TBXAS1: variants seen among roughly 807,000 people sequenced by gnomAD.
TBXAS1 encodes thromboxane-A synthase.
A neutral mutation model predicts 60.7 loss-of-function variants in TBXAS1; 48 were observed. That is an observed-to-expected ratio of 0.79 (90% confidence interval 0.63 to 1.01). TBXAS1 has a LOEUF of 1.01. TBXAS1 is among the 50% of genes least tolerant of loss of function. The pLI is 0.00. For synonymous variants in TBXAS1, 287 were observed against 269.7 expected, an observed-to-expected ratio of 1.06 and a Z score of -0.63; for missense variants, 685 against 686.3, an observed-to-expected ratio of 1.00 and a Z score of 0.02.
At chr7:139,886,975 T>A (rs920305450) in intron 3 of TBXAS1, among the ~76,000 whole-genome samples, 1 of 152,200 alleles carries the variant, frequency 6.6e-6, no homozygotes, top group Non-Finnish European at 1.5e-5. Flanking sequence ...AAGGATGCTT[T>A]ATCTCCAATC....
chr7:139,864,376 G>A (rs1167864091), intron 1 of TBXAS1, among the ~76,000 whole-genome samples: 2 of 151,948 alleles, frequency 1.3e-5, no homozygotes, highest in Non-Finnish European at 2.9e-5. Context: ...AATCAACAGA[G>A]AGATACAACA....
upstream of TBXAS1, among the ~76,000 whole-genome samples, chr7:139,827,063 T>C (rs890297381): frequency 2.0e-5 from 3 of 152,058 alleles, no homozygotes; most frequent in Non-Finnish European, 4.4e-5. Flanking sequence ...CCCCAAAATA[T>C]ATTTCAAGTC....
At chr7:139,951,986 GAAAGAAAGAAAGAAAGAAAGAAAGAA>G (rs1809425987) in intron 5 of TBXAS1, among the ~76,000 whole-genome samples, 1 of 147,476 alleles carries the variant, frequency 6.8e-6, no homozygotes, top group Admixed American at 6.8e-5. Context: ...AAGAAAGAAA[GAAAGAAAGAAAGAAAGAAAGAAAGAA>G]AAAGAAAGGA....
chr7:139,957,534 C>T, intron 7 of TBXAS1, 100 bp from the exon 8 acceptor site: 1 of 1,562,596 alleles, frequency 6.4e-7, no homozygotes. Context: ...CAAAACGGCT[C>T]CGATTCCAGG....
At chr7:139,955,117 C>A (rs1010987029) in intron 6 of TBXAS1, among the ~76,000 whole-genome samples, 1 of 152,176 alleles carries the variant, frequency 6.6e-6, no homozygotes, top group Non-Finnish European at 1.5e-5. Flanking sequence ...AGGGAGGAAA[C>A]TATAAAGTGT....
chr7:139,869,523 G>T (rs1434604465), intron 1 of TBXAS1, among the ~76,000 whole-genome samples: 1 of 152,078 alleles, frequency 6.6e-6, no homozygotes, highest in Admixed American at 6.6e-5. Flanking sequence ...GATTTGCTAG[G>T]ATTACAGGCA....
chr7:139,888,785 G>A (rs1242063079), intron 3 of TBXAS1, among the ~76,000 whole-genome samples: 2 of 152,178 alleles, frequency 1.3e-5, no homozygotes, highest in Non-Finnish European at 2.9e-5. Flanking sequence ...AGGAAAATGT[G>A]ATGTTTGGGG....
intron 3 of TBXAS1, among the ~76,000 whole-genome samples, chr7:139,888,317 T>C (rs926104594): frequency 8.5e-5 from 13 of 152,208 alleles, no homozygotes; most frequent in African/African-American, 3.1e-4. Flanking sequence ...CTGTGGCCTT[T>C]GTGTCTCACA....
chr7:139,923,948 T>A (rs1230872390), intron 4 of TBXAS1, among the ~76,000 whole-genome samples: 2 of 152,206 alleles, frequency 1.3e-5, no homozygotes, highest in Admixed American at 1.3e-4. Flanking sequence ...TCCAGCTCTA[T>A]CCATGTTGTT....
At chr7:139,839,245 A>C (rs74715058) in intron 1 of TBXAS1, among the ~76,000 whole-genome samples, 2,938 of 152,340 alleles carry the variant, frequency 0.019, 47 homozygotes, top group Middle Eastern at 0.051. Flanking sequence ...ATGAGTGTGA[A>C]TATTTAGCAA....
intron 4 of TBXAS1, among the ~76,000 whole-genome samples, chr7:139,918,562 C>T (rs1009685463): frequency 6.6e-6 from 1 of 152,206 alleles, no homozygotes; most frequent in African/African-American, 2.4e-5. Flanking sequence ...AACAAGCCCC[C>T]AGATTCCCTT....
rs4527 is a variant in TBXAS1 at position 140,015,798 on chromosome 7, C to T, written c.1302C>T (p.Ala434=). The T allele has an allele frequency of 3.4e-3, 5,424 of 1,613,752 alleles. 131 individuals carry two copies. The African/African-American group carries it at 0.055, about 16-fold the overall frequency. The change falls in exon 11 of 13, where the codon GCC becomes GCT. Residue 434 remains alanine, a synonymous_variant. Coordinates refer to ENST00000448866, the MANE Select transcript of TBXAS1 (RefSeq NM_001061.7). The stretch of plus-strand genomic sequence containing the variant: ...CCGCAGGCGCTGTGCTAGAGATGGC[C>T]GTGGGTGCCCTGCACCATGACCCTG... ...RIPAGAVLEM[A]VGALHHDPEH... is the part of the protein sequence containing the mutation.
chr7:139,793,243 C>T (rs1051713274), intron 4 of TBXAS1, among the ~76,000 whole-genome samples: 7 of 151,990 alleles, frequency 4.6e-5, no homozygotes, highest in African/African-American at 1.5e-4. Flanking sequence ...ATAGTGAAAC[C>T]TTGTCTCTAC....
At chr7:139,841,782 A>G (rs1296178437) in intron 1 of TBXAS1, among the ~76,000 whole-genome samples, 1 of 152,186 alleles carries the variant, frequency 6.6e-6, no homozygotes, top group Non-Finnish European at 1.5e-5. Flanking sequence ...TATACAGCCA[A>G]ATGAATTTTA....
chr7:139,900,961 G>T (rs866697198), intron 3 of TBXAS1, among the ~76,000 whole-genome samples: 10 of 152,168 alleles, frequency 6.6e-5, no homozygotes, highest in Non-Finnish European at 1.5e-5. Context: ...ATGCCTGGGT[G>T]GTGAGCCCAC....
intron 3 of TBXAS1, among the ~76,000 whole-genome samples, chr7:139,881,360 A>AT (rs1384906956): frequency 1.3e-5 from 2 of 151,904 alleles, no homozygotes; most frequent in Non-Finnish European, 2.9e-5. Context: ...ATAAACTTTC[A>AT]TTTTTCTAGT....
intron 3 of TBXAS1, among the ~76,000 whole-genome samples, chr7:139,888,799 A>T (rs1803323031): frequency 6.6e-6 from 1 of 152,202 alleles, no homozygotes; most frequent in African/African-American, 2.4e-5. Context: ...TTTGGGGCAC[A>T]AGTAGAGAGG....
At chr7:139,897,655 TTGC>T (rs1227667517) in intron 3 of TBXAS1, among the ~76,000 whole-genome samples, 3 of 152,178 alleles carry the variant, frequency 2.0e-5, no homozygotes, top group African/African-American at 2.4e-5. Context: ...CAAAAGAAAG[TTGC>T]TGAACAGGCT....
chr7:139,942,361 C>T (rs1436221707), intron 5 of TBXAS1, among the ~76,000 whole-genome samples: 1 of 152,166 alleles, frequency 6.6e-6, no homozygotes, highest in Non-Finnish European at 1.5e-5. Context: ...AATAGGTTTT[C>T]AAAAGGAGAG....
Sources: gnomAD v4.1 joint callset for allele counts (sites outside exome capture counted in the v4.1 genomes callset) on GRCh38, gnomAD v4.1.1 for gene constraint, MANE v1.5 for transcripts, NCBI Gene and HGNC (gene_info 2026-07-23, HGNC 2026-07-21) for gene names.